DSE: variants seen among roughly 807,000 people sequenced by gnomAD.
The protein encoded by DSE is dermatan sulfate epimerase, also known as dermatan-sulfate epimerase.
In DSE, 36 loss-of-function variants were observed where a neutral mutation model predicts 84.4. The observed-to-expected ratio is 0.43, with a 90% CI of 0.33 to 0.56. The LOEUF (loss-of-function observed/expected upper bound fraction) is 0.56. Ranked by LOEUF, DSE falls within the 20% of genes least tolerant of loss-of-function variation. The pLI, the probability that DSE is intolerant of heterozygous loss-of-function variation, is 0.06. For missense variants in DSE, 862 were observed against 1,169.6 expected (o/e 0.74, Z 3.84); for synonymous variants, 410 against 430.1 (o/e 0.95, Z 0.58).
Position 116,370,983 on chromosome 6 carries a change from G to A in DSE, c.-192G>A. On this transcript the variant is annotated 5_prime_UTR_variant, in exon 1 of 6. Transcript: ENST00000644252. ...CCGAGGCTGCAGCAGCGCATCCCGG[G>A]GCATGGCGCGGCGGGGGCGCGGAGG... 1 of 985,478 alleles carries A rather than the reference G, an allele frequency of 1.0e-6. No individual in the cohort carries two copies. Among genetic ancestry groups the A allele is most frequent in the Non-Finnish European group, 1.2e-6 (1 of 830,074 alleles). 61.0% of individuals were successfully genotyped at this position (985,478 alleles called of 1,614,324 possible).
At chr6:116,296,241 A>T (rs979338000) in intron 2 of DSE, among the ~76,000 whole-genome samples, 2 of 152,184 alleles carry the variant, frequency 1.3e-5, no homozygotes, top group Non-Finnish European at 2.9e-5. Context: ...CATATCTAAT[A>T]CAATGTAAAT....
chr6:116,430,360 A>G (rs1783745057), intron 3 of DSE, among the ~76,000 whole-genome samples: 1 of 152,226 alleles, frequency 6.6e-6, no homozygotes, highest in Admixed American at 6.5e-5. Flanking sequence ...CAAAGAGATA[A>G]ACTTTTAAAA....
intron 1 of DSE, among the ~76,000 whole-genome samples, chr6:116,257,774 A>T (rs540084087): frequency 4.5e-4 from 68 of 152,304 alleles, no homozygotes; most frequent in South Asian, 3.5e-3. Flanking sequence ...CTCTAACCAG[A>T]GGTCTCTTTT....
At chr6:116,370,404 A>G (rs1371228493), upstream of DSE, 3 of 975,028 alleles carry the variant, frequency 3.1e-6, no homozygotes, top group Non-Finnish European at 3.7e-6. Context: ...CCCTCCCACT[A>G]ACTTCTCTTT....
At chr6:116,370,899 C>T (rs1336043035), upstream of DSE, 18 of 985,686 alleles carry the variant, frequency 1.8e-5, no homozygotes, top group Non-Finnish European at 2.2e-5. Context: ...GCGTCCCTCC[C>T]TCCGCCCCTT....
rs548612234 is a variant in DSE at position 116,414,561 on chromosome 6, T to C, written c.417-12013T>C. On this transcript the variant is annotated intron_variant, in intron 2 of 5. Transcript: ENST00000644252. ...CCTAGTAGCTGGGATTACAGGCATGTGCCACCACGCCCAGCTAATGTTGTA... is the reference window on the plus strand; with the variant it reads ...CCTAGTAGCTGGGATTACAGGCATGCGCCACCACGCCCAGCTAATGTTGTA... Among the ~76,000 whole-genome samples the C allele has an allele frequency of 7.2e-5, 11 of 152,204 alleles. No individual in the cohort carries two copies. The East Asian group carries it at 2.1e-3, about 29-fold the overall frequency.
chr6:116,260,176 T>C (rs1263581782), intron 2 of DSE, among the ~76,000 whole-genome samples: 1 of 152,212 alleles, frequency 6.6e-6, no homozygotes, highest in Non-Finnish European at 1.5e-5. Flanking sequence ...ATAATAGCCA[T>C]TCTGACTGGT....
rs373833608 is a variant in DSE at position 116,437,348 on chromosome 6, C to T, written c.*3C>T. ...CTTGTTCCCAATCACAGTGTTAGCACTGAAGCTATAAATTACCTGGTCATT... is the reference window on the plus strand; with the variant it reads ...CTTGTTCCCAATCACAGTGTTAGCATTGAAGCTATAAATTACCTGGTCATT... On this transcript the variant is annotated 3_prime_UTR_variant, in exon 6 of 6. Transcript: ENST00000644252. The T allele has an allele frequency of 4.7e-5, 74 of 1,576,474 alleles. No homozygotes were observed. The African/African-American group carries it at 8.3e-4, about 18-fold the overall frequency.
Position 116,430,862 on chromosome 6 carries a change from G to C in DSE, c.671-92G>C. 2.0e-6 allele frequency: 3 copies of C among 1,526,588 alleles called. No individual in the cohort carries two copies. In the South Asian group the frequency reaches 3.8e-5, roughly 19 times the overall value. The allele number at this position is 1,526,588 out of a possible 1,614,324, so 94.6% of individuals were successfully genotyped here. A position where few individuals can be genotyped will look rare whatever the true frequency, so the allele number is the denominator to read the frequency against. On this transcript the variant is annotated intron_variant, in intron 3 of 5. Coordinates refer to ENST00000644252, the MANE Select transcript of DSE (RefSeq NM_013352.4). ...AAAACGCGATTTGTAATATAAACTA[G>C]TTAGATAACTCAGAGGGTTTTATTG...
At chr6:116,254,539 C>T (rs953997395) in intron 1 of DSE, among the ~76,000 whole-genome samples, 9 of 152,092 alleles carry the variant, frequency 5.9e-5, no homozygotes, top group Non-Finnish European at 1.2e-4. Context: ...AGAAGTGTTG[C>T]TGTGTTGTTA....
intron 2 of DSE, among the ~76,000 whole-genome samples, chr6:116,286,992 G>T (rs1048407281): frequency 6.6e-6 from 1 of 152,242 alleles, no homozygotes; most frequent in East Asian, 1.9e-4. Context: ...GCCTGAGCAT[G>T]TGTGTATCCG....
At chr6:116,273,137 C>T (rs1375316259) in intron 2 of DSE, among the ~76,000 whole-genome samples, 7 of 152,042 alleles carry the variant, frequency 4.6e-5, no homozygotes, top group Non-Finnish European at 1.0e-4. Context: ...ATTGTAAAAC[C>T]GGGATTTAAT....
Position 116,342,102 on chromosome 6 carries a change from T to C in DSE, c.-53-57096T>C, listed in dbSNP as rs370235629. ...ATTTTTTTGTCTACAAGTTTAGCATTTGGGGACAACCAGAGACTATTTTTG... is the reference window on the plus strand; with the variant it reads ...ATTTTTTTGTCTACAAGTTTAGCATCTGGGGACAACCAGAGACTATTTTTG... On this transcript the variant is annotated intron_variant, in intron 2 of 3. Transcript: ENST00000430252. 1.5e-3 allele frequency among the ~76,000 whole-genome samples: 235 copies of C among 152,292 alleles called. 1 individual carries two copies. The highest frequency in any genetic ancestry group is 5.3e-3 in the African/African-American group (222 of 41,574).
At position 116,265,081 on chromosome 6, in the gene DSE, G is replaced by A. The variant is rs182593504; in HGVS notation, c.-54+6114G>A. On this transcript the variant is annotated intron_variant, in intron 2 of 3. Transcript: ENST00000430252. ...GCCAGCAGCAGTGGTAGTAACAGCT[G>A]CAGCAGAGTGCTAGCAGGTGCCATG... Among the ~76,000 whole-genome samples the A allele has an allele frequency of 2.1e-4, 32 of 152,300 alleles. No homozygotes were observed. The East Asian group carries it at 5.0e-3, about 24-fold the overall frequency.
At chr6:116,307,082 C>G (rs1441747530) in intron 2 of DSE, among the ~76,000 whole-genome samples, 1 of 152,206 alleles carries the variant, frequency 6.6e-6, no homozygotes, top group Non-Finnish European at 1.5e-5. Context: ...AGTTAGAACT[C>G]TATCTTATAT....
intron 2 of DSE, among the ~76,000 whole-genome samples, chr6:116,274,224 G>A (rs1773011559): frequency 2.0e-5 from 3 of 151,898 alleles, no homozygotes. Context: ...GTTAAAATAC[G>A]ACTGAAAATA....
At chr6:116,295,286 G>A (rs1423376052) in intron 2 of DSE, among the ~76,000 whole-genome samples, 2 of 152,104 alleles carry the variant, frequency 1.3e-5, no homozygotes, top group Non-Finnish European at 2.9e-5. Context: ...GAGCGGGAGA[G>A]TGGATGAGGA....
chr6:116,303,442 T>G (rs1381770534), intron 2 of DSE, among the ~76,000 whole-genome samples: 1 of 152,208 alleles, frequency 6.6e-6, no homozygotes, highest in Non-Finnish European at 1.5e-5. Context: ...TGTCTGTTAA[T>G]TACTGTATGT....
chr6:116,308,547 A>C (rs533505330), intron 2 of DSE, among the ~76,000 whole-genome samples: 1 of 152,230 alleles, frequency 6.6e-6, no homozygotes, highest in Non-Finnish European at 1.5e-5. Flanking sequence ...AATGAGAAAG[A>C]TCAGTGCCCA....
Sources: allele counts gnomAD v4.1 joint callset (sites outside exome capture counted in the v4.1 genomes callset), GRCh38; gene constraint gnomAD v4.1.1; transcripts MANE v1.5; gene names NCBI Gene and HGNC (gene_info 2026-07-23, HGNC 2026-07-21).